The following ASPH variants were observed in gnomAD, a reference collection of about 807,000 sequenced individuals.
ASPH encodes aspartyl/asparaginyl beta-hydroxylase.
ASPH carries 100 observed loss-of-function variants against 118.4 expected under a neutral mutation model. That is an observed-to-expected ratio of 0.84 (90% confidence interval 0.72 to 1.00). ASPH has a LOEUF of 1.00. Ranked by LOEUF, ASPH falls within the 50% of genes least tolerant of loss-of-function variation. The probability of loss-of-function intolerance (pLI) is 0.00; values close to 1 mark genes in which losing one functional copy is unlikely to be tolerated. For missense variants in ASPH, 920 were observed against 919.5 expected (o/e 1.00, Z -0.01); for synonymous variants, 315 against 325.6 (o/e 0.97, Z 0.35).
intron 1 of ASPH, among the ~76,000 whole-genome samples, chr8:61,689,091 G>A (rs1162520356): frequency 6.6e-6 from 1 of 152,128 alleles, no homozygotes; most frequent in Non-Finnish European, 1.5e-5. Flanking sequence ...AATTTACAAA[G>A]TAAAGCAAAA....
At chr8:61,603,191 C>CAAAAAAAA (rs11336705) in intron 14 of ASPH, among the ~76,000 whole-genome samples, 3 of 61,346 alleles carry the variant, frequency 4.9e-5, no homozygotes, top group Non-Finnish European at 8.8e-5. Flanking sequence ...AGACTTGTCT[C>CAAAAAAAA]AAAAAAAAAA....
intron 14 of ASPH, among the ~76,000 whole-genome samples, chr8:61,613,897 T>G (rs998823942): frequency 6.6e-6 from 1 of 152,230 alleles, no homozygotes; most frequent in African/African-American, 2.4e-5. Flanking sequence ...ATTTTTTAAA[T>G]AAGAAAACTG....
chr8:61,714,337 T>A lies in ASPH; in HGVS notation c.35A>T (p.Asn12Ile). The A allele has an allele frequency of 3.3e-6, 5 of 1,518,296 alleles. No individual in the cohort carries two copies. Among genetic ancestry groups the A allele is most frequent in the Non-Finnish European group, 4.4e-6 (5 of 1,133,674 alleles). The allele number at this position is 1,518,296 out of a possible 1,614,324, so 94.1% of individuals were successfully genotyped here. A position where few individuals can be genotyped will look rare whatever the true frequency, so the allele number is the denominator to read the frequency against. Residue 12 changes from asparagine to isoleucine, a missense_variant, in exon 1 of 25, where the codon AAC becomes ATC. Coordinates refer to ENST00000379454, the MANE Select transcript of ASPH (RefSeq NM_004318.4). ...AQRKNAKSSG[N>I]SSSSGSGSGS... ...GCTGCCGGAGCCGCTGCTGCTGCTG[T>A]TGCCGCTGCTCTTGGCATTCTTACG... is the stretch of plus-strand genomic sequence containing the variant.
intron 22 of ASPH, among the ~76,000 whole-genome samples, chr8:61,521,387 T>C (rs1812942015): frequency 7.2e-6 from 1 of 138,822 alleles, no homozygotes; most frequent in African/African-American, 3.1e-5. Flanking sequence ...TAGTGCTCAC[T>C]GATCCTAGTA....
intron 21 of ASPH, among the ~76,000 whole-genome samples, chr8:61,536,697 T>C (rs73685078): frequency 3.9e-5 from 6 of 152,328 alleles, no homozygotes; most frequent in African/African-American, 1.4e-4. Flanking sequence ...TTTGGGGCTA[T>C]TCTGATTGTT....
At chr8:61,527,150 T>C (rs115251751) in intron 21 of ASPH, among the ~76,000 whole-genome samples, 1 of 152,286 alleles carries the variant, frequency 6.6e-6, no homozygotes, top group African/African-American at 2.4e-5. Context: ...CTAGAACTAA[T>C]AGGTTACAAA....
At chr8:61,689,552 A>T (rs938942850) in intron 1 of ASPH, 2 of 927,804 alleles carry the variant, frequency 2.2e-6, no homozygotes, top group Non-Finnish European at 1.6e-6. Context: ...AAAATAGAAA[A>T]TGTAGACAGT....
rs568252770 is a variant in ASPH, at chr8:61,592,151, G to A, written c.977-8122C>T. Among the ~76,000 whole-genome samples, 6 of 152,248 alleles carry A rather than the reference G, an allele frequency of 3.9e-5. No homozygotes were observed. In the East Asian group the frequency reaches 1.2e-3, roughly 29 times the overall value. ...GTTGAGCCTTTGTTTTTTCATCCACGAAATGGGGATAATATCTGACCTCCT... is the reference window on the plus strand; with the variant it reads ...GTTGAGCCTTTGTTTTTTCATCCACAAAATGGGGATAATATCTGACCTCCT... On this transcript the variant is annotated intron_variant, in intron 14 of 24. Coordinates refer to ENST00000379454, the MANE Select transcript of ASPH (RefSeq NM_004318.4).
rs1858743933 is a variant in ASPH at position 61,638,211 on chromosome 8, A to C, written c.832+111T>G. ...ACTCAATTATTTTCTTACTGACTTG[A>C]AAATGTCTTGCATTTTTTCTACACT... On this transcript the variant is annotated intron_variant, in intron 11 of 24. Transcript: ENST00000379454. 6.5e-6 allele frequency: 9 copies of C among 1,376,654 alleles called. No individual in the cohort carries two copies. In the South Asian group the frequency reaches 1.0e-4, roughly 16 times the overall value. 85.3% of individuals were successfully genotyped at this position (1,376,654 alleles called of 1,614,324 possible).
At chr8:61,539,699 G>GTGT (rs1554618408) in intron 21 of ASPH, among the ~76,000 whole-genome samples, 28 of 124,214 alleles carry the variant, frequency 2.3e-4, no homozygotes, top group African/African-American at 7.8e-4. Flanking sequence ...ACACTTCTGG[G>GTGT]GTGTGTGTGT....
rs115786114 is a variant in ASPH, at chr8:61,686,660, C to T, written c.104-2472G>A. Among the ~76,000 whole-genome samples, 732 of 152,244 alleles carry T rather than the reference C, an allele frequency of 4.8e-3. 7 individuals are homozygous for T. Among genetic ancestry groups the T allele is most frequent in the African/African-American group, 0.016 (672 of 41,542 alleles). ...TAAGTTTAACAAAAATACTACCTTC[C>T]AAAATATCCACATACTCTAAATATG... is the stretch of plus-strand genomic sequence containing the variant. On this transcript the variant is annotated intron_variant, in intron 1 of 24. Transcript: ENST00000379454.
rs1843995914 is a variant in ASPH, at chr8:61,601,556, A to AG, written c.976+17421dup. 2.7e-5 allele frequency among the ~76,000 whole-genome samples: 4 copies of AG among 148,750 alleles called. No individual in the cohort carries two copies. The South Asian group carries it at 8.4e-4, about 31-fold the overall frequency. On this transcript the variant is annotated intron_variant, in intron 14 of 24. Transcript: ENST00000379454. The stretch of plus-strand genomic sequence containing the variant: ...CTCCATCTCAAAAAAAGAGAGAGAG[A>AG]GAAAAAAAAAAAACCTCAAAAAGGA...
chr8:61,704,502 A>G (rs1439298206), intron 1 of ASPH, among the ~76,000 whole-genome samples: 1 of 152,146 alleles, frequency 6.6e-6, no homozygotes, highest in East Asian at 1.9e-4. Context: ...CACAGAAAGC[A>G]AAAACAGAAA....
chr8:61,631,403 A>G (rs1051332219), intron 13 of ASPH, among the ~76,000 whole-genome samples: 7 of 152,186 alleles, frequency 4.6e-5, no homozygotes, highest in African/African-American at 1.7e-4. Context: ...TTTCTATACC[A>G]TATTTTTACC....
chr8:61,521,981 CT>C (rs139567106), intron 22 of ASPH, among the ~76,000 whole-genome samples: 13,546 of 152,158 alleles, frequency 0.089, 679 homozygotes, highest in Non-Finnish European at 0.12. Context: ...TCAGCCTCAG[CT>C]TATTCAGAAA....
intron 14 of ASPH, among the ~76,000 whole-genome samples, chr8:61,603,810 C>T (rs1296693204): frequency 1.3e-5 from 2 of 152,042 alleles, no homozygotes; most frequent in African/African-American, 4.8e-5. Flanking sequence ...TTACAAAATG[C>T]TCTGGGAACA....
chr8:61,676,777 A>C (rs1388082594), intron 3 of ASPH, among the ~76,000 whole-genome samples: 1 of 152,114 alleles, frequency 6.6e-6, no homozygotes, highest in Non-Finnish European at 1.5e-5. Context: ...TCATTTGTTC[A>C]TTCAAACTAG....
intron 1 of ASPH, among the ~76,000 whole-genome samples, chr8:61,688,409 C>G (rs1395501886): frequency 1.3e-5 from 2 of 152,030 alleles, no homozygotes; most frequent in Admixed American, 1.3e-4. Context: ...CTATGGCAAG[C>G]AACAGTCCAA....
At chr8:61,555,795 G>T in intron 19 of ASPH, 129 bp downstream of exon 19, 1 of 770,268 alleles carries the variant, frequency 1.3e-6, no homozygotes, top group Non-Finnish European at 2.1e-6. Context: ...GTCATGGTCT[G>T]AGGGTGGACA....
Sources: allele counts gnomAD v4.1 joint callset (sites outside exome capture counted in the v4.1 genomes callset), GRCh38; gene constraint gnomAD v4.1.1; transcripts MANE v1.5; gene names NCBI Gene and HGNC (gene_info 2026-07-23, HGNC 2026-07-21).